Variants in ANO2 observed in about 807,000 individuals in gnomAD.
The protein encoded by ANO2 is anoctamin-2.
Under a neutral mutation model 124.2 loss-of-function variants are expected in ANO2, and 101 were observed. The observed-to-expected ratio is 0.81, with a 90% confidence interval of 0.69 to 0.96. ANO2 has a LOEUF of 0.96. Ranked by LOEUF, ANO2 falls within the 40% of genes least tolerant of loss-of-function variation. The pLI is 0.00. For synonymous variants in ANO2, 486 were observed against 482.5 expected (o/e 1.01, Z -0.09); for missense variants, 1,293 against 1,274.5 (o/e 1.01, Z -0.22).
At chr12:5,727,512 CAAA>C (rs770431822) in intron 14 of ANO2, among the ~76,000 whole-genome samples, 1 of 109,886 alleles carries the variant, frequency 9.1e-6, no homozygotes. Context: ...TTAAACAAAC[CAAA>C]AAAAAAAAAA....
At chr12:5,748,655 A>C (rs1398812315) in intron 11 of ANO2, among the ~76,000 whole-genome samples, 1 of 152,156 alleles carries the variant, frequency 6.6e-6, no homozygotes, top group Non-Finnish European at 1.5e-5. Context: ...GATCAAAGAA[A>C]CTAGTTTATA....
intron 15 of ANO2, among the ~76,000 whole-genome samples, chr12:5,645,768 G>A (rs190134598): frequency 6.6e-6 from 1 of 152,152 alleles, no homozygotes; most frequent in Non-Finnish European, 1.5e-5. Flanking sequence ...AAATTCTTTT[G>A]GGTGATTTTT....
intron 3 of ANO2, among the ~76,000 whole-genome samples, chr12:5,916,901 C>T (rs1366024031): frequency 6.6e-6 from 1 of 152,076 alleles, no homozygotes; most frequent in African/African-American, 2.4e-5. Context: ...GCTTTACACG[C>T]GAGGTCCCAG....
chr12:5,599,094 A>G (rs1943804626), intron 20 of ANO2, among the ~76,000 whole-genome samples: 1 of 152,200 alleles, frequency 6.6e-6, no homozygotes, highest in South Asian at 2.1e-4. Context: ...TCCATGAAGG[A>G]AGACTTTCAT....
rs542368186 is a variant in ANO2 at position 5,569,570 on chromosome 12, G to C, written c.2622-3907C>G. ...GCTAGTCTGCACCTGGAGCAGCTAC[G>C]CCACTTACTACCTGTAAGAGACCGA... On this transcript the variant is annotated intron_variant, in intron 23 of 24. Transcript: ENST00000682330. Among the ~76,000 whole-genome samples, 30 of 152,228 alleles carry C rather than the reference G, an allele frequency of 2.0e-4. No individual in the cohort carries two copies. The South Asian group carries it at 6.2e-3, about 32-fold the overall frequency.
upstream of ANO2, chr12:5,945,314 G>C (rs934741698): frequency 2.2e-5 from 23 of 1,062,686 alleles, no homozygotes; most frequent in Middle Eastern, 4.1e-4. Flanking sequence ...CTCCGTCCCG[G>C]CGCGCCCGCC....
intron 10 of ANO2, among the ~76,000 whole-genome samples, chr12:5,788,592 A>ACT (rs35840182): frequency 0.19 from 29,013 of 152,146 alleles, 3,265 homozygotes; most frequent in Admixed American, 0.26. Context: ...ACGGAGTCTA[A>ACT]CTGTCACCCA....
chr12:5,804,153 TTATAA>T (rs1953124033), intron 9 of ANO2, among the ~76,000 whole-genome samples: 1 of 152,128 alleles, frequency 6.6e-6, no homozygotes, highest in Non-Finnish European at 1.5e-5. Context: ...CACTTGACAG[TTATAA>T]TATAATGAAA....
chr12:5,640,153 T>C (rs893683485), intron 15 of ANO2, among the ~76,000 whole-genome samples: 1 of 152,184 alleles, frequency 6.6e-6, no homozygotes, highest in African/African-American at 2.4e-5. Context: ...GGGGCATTTC[T>C]TTGCTCTCAT....
intron 17 of ANO2, among the ~76,000 whole-genome samples, chr12:5,613,819 A>G (rs1469476967): frequency 6.6e-6 from 1 of 152,204 alleles, no homozygotes; most frequent in Admixed American, 6.5e-5. Flanking sequence ...AGTTCTTCTA[A>G]GCCTCAGGAT....
intron 7 of ANO2, among the ~76,000 whole-genome samples, chr12:5,822,648 G>C (rs1349096550): frequency 6.6e-6 from 1 of 152,190 alleles, no homozygotes; most frequent in African/African-American, 2.4e-5. Context: ...ATGATGGCAG[G>C]TTGATTATTT....
intron 3 of ANO2, chr12:5,858,694 T>G (rs1461227483): frequency 6.6e-6 from 1 of 152,236 alleles, no homozygotes; most frequent in African/African-American, 2.4e-5. Context: ...TCCCTGCTAG[T>G]GTGCCTGAAA....
chr12:5,891,789 C>T (rs1375252592), intron 3 of ANO2, among the ~76,000 whole-genome samples: 1 of 152,178 alleles, frequency 6.6e-6, no homozygotes, highest in Non-Finnish European at 1.5e-5. Flanking sequence ...CTGGTCAGAA[C>T]TTGCAACTTC....
At chr12:5,628,623 T>C (rs942124664) in intron 16 of ANO2, among the ~76,000 whole-genome samples, 2 of 152,124 alleles carry the variant, frequency 1.3e-5, no homozygotes, top group South Asian at 2.1e-4. Flanking sequence ...CATACTGATA[T>C]ATGTAAAGTG....
chr12:5,599,685 G>A (rs531488648), intron 19 of ANO2, 56 bp from the exon 20 acceptor site: 2 of 1,573,862 alleles, frequency 1.3e-6, no homozygotes, highest in Non-Finnish European at 1.7e-6. Context: ...GGTTGGTTTT[G>A]CAGACAGAAA....
chr12:5,595,394 T>C (rs1475654192), intron 20 of ANO2, among the ~76,000 whole-genome samples: 1 of 152,006 alleles, frequency 6.6e-6, no homozygotes, highest in Non-Finnish European at 1.5e-5. Context: ...TTCTTTTCTT[T>C]TTCCTTTTTG....
chr12:5,737,633 T>G (rs1472232055), intron 13 of ANO2, among the ~76,000 whole-genome samples: 1 of 152,122 alleles, frequency 6.6e-6, no homozygotes, highest in Non-Finnish European at 1.5e-5. Context: ...TCTACGGCAT[T>G]AGCGGAGTAG....
At chr12:5,898,537 T>C (rs1939951876) in intron 3 of ANO2, among the ~76,000 whole-genome samples, 1 of 152,222 alleles carries the variant, frequency 6.6e-6, no homozygotes, top group Admixed American at 6.5e-5. Flanking sequence ...ATTCAAACGA[T>C]GAAATACTAT....
intron 14 of ANO2, among the ~76,000 whole-genome samples, chr12:5,701,167 G>A (rs1949392858): frequency 7.7e-6 from 1 of 129,362 alleles, no homozygotes; most frequent in Non-Finnish European, 1.5e-5. Flanking sequence ...AGTCACTCAA[G>A]CTCTCTGTTA....
Sources: gnomAD v4.1 joint callset for allele counts (sites outside exome capture counted in the v4.1 genomes callset) on GRCh38, gnomAD v4.1.1 for gene constraint, MANE v1.5 for transcripts, NCBI Gene and HGNC (gene_info 2026-07-23, HGNC 2026-07-21) for gene names.